The following UNC13C variants were observed in gnomAD, a reference collection of about 807,000 sequenced individuals.
The protein encoded by UNC13C is unc-13 homolog C, also known as protein unc-13 homolog C.
In UNC13C, 174 loss-of-function variants were observed where a neutral mutation model predicts 245.4. That is an observed-to-expected ratio of 0.71 (90% CI 0.63 to 0.80). The LOEUF (loss-of-function observed/expected upper bound fraction) is 0.80. Among genes scored for constraint, UNC13C ranks in the 30% least tolerant of loss-of-function variants. UNC13C has a pLI of 0.00. For missense variants in UNC13C, 2,829 were observed against 2,602.9 expected (o/e 1.09, Z -1.89); for synonymous variants, 992 against 895.1 (o/e 1.11, Z -1.93).
intron 7 of UNC13C, 80 bp from the exon 8 acceptor site, chr15:54,250,145 A>G (rs1372776905): frequency 2.0e-5 from 27 of 1,346,590 alleles, no homozygotes; most frequent in African/African-American, 2.9e-5. Flanking sequence ...GAGAAAAGTG[A>G]TAAAATGGTT....
intron 30 of UNC13C, among the ~76,000 whole-genome samples, chr15:54,600,420 T>C (rs1309532124): frequency 6.6e-6 from 1 of 152,026 alleles, no homozygotes; most frequent in Non-Finnish European, 1.5e-5. Context: ...GCAAGCTGTA[T>C]TCAGAGTATA....
intron 17 of UNC13C, among the ~76,000 whole-genome samples, chr15:54,383,839 C>A (rs1489874563): frequency 1.3e-5 from 2 of 151,908 alleles, no homozygotes; most frequent in Non-Finnish European, 2.9e-5. Context: ...AATCAACATA[C>A]AAAAATCAGT....
the UNC13C span, among the ~76,000 whole-genome samples, chr15:53,971,322 T>C: frequency 6.8e-4 from 104 of 152,278 alleles, 1 homozygote; most frequent in African/African-American, 2.4e-3. Flanking sequence ...TAGTTTACAA[T>C]GTAAAATATA....
In UNC13C at chr15:54,014,426, A is replaced by T. The variant is rs1369396587; in HGVS notation, c.1523A>T (p.Asp508Val). The stretch of plus-strand genomic sequence containing the variant: ...AGAATTTCAAATAAATCAGATTATG[A>T]TAAAATCTCCTCACAGTTGCCAGAA... ...SSRISNKSDYDKISSQLPESD... is the reference protein window; with the variant it reads ...SSRISNKSDYVKISSQLPESD... The change falls in exon 2 of 33, where the codon GAT (aspartate) becomes GTT (valine). Residue 508 changes from aspartate to valine, a missense_variant. Transcript: ENST00000260323. The T allele has an allele frequency of 1.2e-6, 2 of 1,613,828 alleles. No homozygotes were observed. Among genetic ancestry groups the T allele is most frequent in the South Asian group, 1.1e-5 (1 of 91,080 alleles).
chr15:53,877,936 T>C, the UNC13C span, among the ~76,000 whole-genome samples: 1 of 152,212 alleles, frequency 6.6e-6, no homozygotes, highest in Admixed American at 6.5e-5. Context: ...TACAGTATGT[T>C]CTCTTTTGTT....
intron 19 of UNC13C, among the ~76,000 whole-genome samples, chr15:54,441,890 A>G (rs1452105414): frequency 6.6e-6 from 1 of 151,686 alleles, no homozygotes; most frequent in Admixed American, 6.6e-5. Context: ...TTCATTGTGG[A>G]GTCTTTTATC....
chr15:54,422,038 T>C (rs1293998659), intron 19 of UNC13C, among the ~76,000 whole-genome samples: 1 of 152,044 alleles, frequency 6.6e-6, no homozygotes, highest in Non-Finnish European at 1.5e-5. Context: ...ATCTCTAACT[T>C]AAATGTTTAA....
chr15:54,059,202 A>T (rs75603318), intron 2 of UNC13C, among the ~76,000 whole-genome samples: 24,461 of 85,010 alleles, frequency 0.29, 2,058 homozygotes, highest in South Asian at 0.39. Flanking sequence ...ATGATTGTTT[A>T]TCGAGAAAAC....
rs1233033411 is a variant in UNC13C, at chr15:54,109,330, CTTTTTTTCTTTCTTTCCTTT to C, written c.2984-33680_2984-33661del. ...CCTCCCCTCCCCTCCCTTTCCTTTC[CTTTTTTTCTTTCTTTCCTTT>C]TTTTTTTTTTTTTGACAGTCTTGCT... On this transcript the variant is annotated intron_variant, in intron 2 of 32. Transcript: ENST00000260323. 3.6e-3 allele frequency among the ~76,000 whole-genome samples: 148 copies of C among 41,004 alleles called. 8 individuals are homozygous for C. The East Asian group carries it at 0.084, about 23-fold the overall frequency. The allele number at this position is 41,004 out of a possible 152,430, so 26.9% of individuals were successfully genotyped here.
chr15:53,940,552 CTCTA>C, the UNC13C span, among the ~76,000 whole-genome samples: 1 of 152,096 alleles, frequency 6.6e-6, no homozygotes. Context: ...TGACATGATC[CTCTA>C]TCTAGAAAAC....
intron 19 of UNC13C, among the ~76,000 whole-genome samples, chr15:54,482,852 G>A (rs977318240): frequency 1.3e-5 from 2 of 152,076 alleles, no homozygotes; most frequent in African/African-American, 4.8e-5. Context: ...CTTTAAATAT[G>A]AACATAGTTA....
intron 25 of UNC13C, among the ~76,000 whole-genome samples, chr15:54,528,055 A>C (rs1895555295): frequency 6.6e-6 from 1 of 152,198 alleles, no homozygotes; most frequent in Non-Finnish European, 1.5e-5. Flanking sequence ...ATTGTAAAAA[A>C]TCCACTTGAT....
At chr15:54,026,566 C>T (rs1326494334) in intron 2 of UNC13C, among the ~76,000 whole-genome samples, 1 of 152,180 alleles carries the variant, frequency 6.6e-6, no homozygotes, top group Non-Finnish European at 1.5e-5. Flanking sequence ...TTCCTTCATC[C>T]AGTCTCCAGC....
chr15:54,494,530 T>C (rs1567326095), intron 19 of UNC13C, 78 bp from the exon 20 acceptor site: 17 of 1,311,472 alleles, frequency 1.3e-5, no homozygotes, highest in Non-Finnish European at 1.6e-5. Flanking sequence ...AGAAATTCTA[T>C]TAATAAAAAT....
At chr15:54,387,239 G>A (rs2039858418) in intron 17 of UNC13C, among the ~76,000 whole-genome samples, 1 of 152,166 alleles carries the variant, frequency 6.6e-6, no homozygotes, top group South Asian at 2.1e-4. Context: ...AGGCAGAGTA[G>A]CACTTGTGGA....
intron 18 of UNC13C, among the ~76,000 whole-genome samples, chr15:54,404,070 G>A (rs940045972): frequency 3.3e-5 from 5 of 152,140 alleles, no homozygotes; most frequent in Admixed American, 3.3e-4. Flanking sequence ...CTTAAGTGCA[G>A]AGCATACTAA....
At chr15:53,905,252 C>G in the UNC13C span, among the ~76,000 whole-genome samples, 1 of 152,096 alleles carries the variant, frequency 6.6e-6, no homozygotes, top group Non-Finnish European at 1.5e-5. Flanking sequence ...TATCTCTACT[C>G]TCATGTTCAT....
chr15:54,068,695 T>C (rs1418085373), intron 2 of UNC13C, among the ~76,000 whole-genome samples: 1 of 152,170 alleles, frequency 6.6e-6, no homozygotes, highest in Non-Finnish European at 1.5e-5. Context: ...CCATACTAAA[T>C]ATATGTATTT....
At chr15:54,199,264 A>G (rs1284452178) in intron 4 of UNC13C, among the ~76,000 whole-genome samples, 1 of 152,168 alleles carries the variant, frequency 6.6e-6, no homozygotes, top group African/African-American at 2.4e-5. Context: ...TTTGGAAAAC[A>G]TTTTTGAGGG....
Sources: gnomAD v4.1 joint callset for allele counts (sites outside exome capture counted in the v4.1 genomes callset) on GRCh38, gnomAD v4.1.1 for gene constraint, MANE v1.5 for transcripts, NCBI Gene and HGNC (gene_info 2026-07-23, HGNC 2026-07-21) for gene names.